HEATR4: variants seen among roughly 807,000 people sequenced by gnomAD.
HEATR4 encodes the protein HEAT repeat containing 4.
In HEATR4, 95 loss-of-function variants were observed where a neutral mutation model predicts 108.8. The observed-to-expected ratio is 0.87, with a 90% confidence interval of 0.74 to 1.04. The LOEUF (loss-of-function observed/expected upper bound fraction) is 1.04. Among genes scored for constraint, HEATR4 ranks in the 50% least tolerant of loss-of-function variants. The probability of loss-of-function intolerance (pLI) is 0.00; values close to 1 mark genes in which losing one functional copy is unlikely to be tolerated. For synonymous variants in HEATR4, 443 were observed against 459.4 expected (o/e 0.96, Z 0.46); for missense variants, 1,152 against 1,253.8 (o/e 0.92, Z 1.23).
At chr14:73,597,282 C>A in the HEATR4 span, among the ~76,000 whole-genome samples, 3 of 151,362 alleles carry the variant, frequency 2.0e-5, no homozygotes, top group Admixed American at 6.6e-5. Flanking sequence ...GACAGGGTTT[C>A]GCCATGTTAG....
chr14:73,523,032 C>G lies in HEATR4; in HGVS notation c.121G>C (p.Ala41Pro), dbSNP rs1422937027. The change falls in exon 3 of 18, where the codon GCC becomes CCC. Residue 41 changes from alanine (A) to proline (P), a missense_variant. Ala to Pro is a conservative substitution (Grantham distance 27). Coordinates refer to ENST00000553558, the MANE Select transcript of HEATR4 (RefSeq NM_001220484.1). ...YSKLKGKEEC[A>P]SVSSVPMVFF... Reference sequence around the variant, plus strand: ...ACCATAGGCACACTGGAGACAGAGGCACACTCCTCCTTGCCTTTCAATTTT... The same window carrying G: ...ACCATAGGCACACTGGAGACAGAGGGACACTCCTCCTTGCCTTTCAATTTT... 6.2e-7 allele frequency: 1 copy of G among 1,614,190 alleles called. No homozygotes were observed. Among genetic ancestry groups the G allele is most frequent in the South Asian group, 1.1e-5 (1 of 91,082 alleles).
chr14:73,543,329 G>GTGCTCTCTGCCCTTTCCA, intron 1 of HEATR4: 1 of 1,539,540 alleles, frequency 6.5e-7, no homozygotes, highest in Non-Finnish European at 8.8e-7. Flanking sequence ...TGTGGAAAGG[G>GTGCTCTCTGCCCTTTCCA]CAGAGAGCAC....
At chr14:73,600,239 G>A in the HEATR4 span, among the ~76,000 whole-genome samples, 1 of 152,072 alleles carries the variant, frequency 6.6e-6, no homozygotes, top group East Asian at 1.9e-4. Context: ...CTTCATTAGT[G>A]TTCAATTTAC....
chr14:73,491,713 G>T, intron 17 of HEATR4: 1 of 1,550,680 alleles, frequency 6.4e-7, no homozygotes, highest in Non-Finnish European at 8.7e-7. Flanking sequence ...TGGTGCGGCG[G>T]CAGGACCACA....
At chr14:73,498,437 CCTTTT>C in intron 13 of HEATR4, 93 bp from the exon 14 acceptor site, 1 of 1,100,882 alleles carries the variant, frequency 9.1e-7, no homozygotes, top group Non-Finnish European at 1.3e-6. Context: ...CAATACCTTC[CCTTTT>C]GGATGGTAAT....
rs34070206 is a variant in HEATR4, at chr14:73,542,165, A to AT, written c.-151-11922dup. ...CCACTATGCCTAGCCTAATTTTTGT[A>AT]TTTTTTTTTTTTAGTAGAGATGGGG... On this transcript the variant is annotated intron_variant, in intron 1 of 17. Coordinates refer to ENST00000553558, the MANE Select transcript of HEATR4 (RefSeq NM_001220484.1). Among the ~76,000 whole-genome samples the AT allele has an allele frequency of 8.9e-4, 87 of 97,952 alleles. 9 individuals are homozygous for AT. The highest frequency in any genetic ancestry group is 2.0e-3 in the African/African-American group (58 of 29,474). The allele number at this position is 97,952 out of a possible 152,430, so 64.3% of individuals were successfully genotyped here. A position where few individuals can be genotyped will look rare whatever the true frequency, so the allele number is the denominator to read the frequency against.
chr14:73,491,938 T>A, intron 17 of HEATR4: 1 of 1,613,790 alleles, frequency 6.2e-7, no homozygotes, highest in African/African-American at 1.3e-5. Context: ...TCTCTACTAC[T>A]GTGTGGCAGT....
chr14:73,550,249 G>A (rs1247985623), intron 1 of HEATR4, among the ~76,000 whole-genome samples: 2 of 113,436 alleles, frequency 1.8e-5, no homozygotes, highest in African/African-American at 5.8e-5. Context: ...GGGAGTGACC[G>A]TGTTCTCGGG....
At chr14:73,609,102 G>A in the HEATR4 span, among the ~76,000 whole-genome samples, 2 of 152,178 alleles carry the variant, frequency 1.3e-5, no homozygotes, top group African/African-American at 4.8e-5. Flanking sequence ...CATATCAGGT[G>A]TAATGCTAAC....
chr14:73,588,921 T>C, the HEATR4 span, among the ~76,000 whole-genome samples: 1 of 152,194 alleles, frequency 6.6e-6, no homozygotes, highest in Non-Finnish European at 1.5e-5. Context: ...TTTTACGTTT[T>C]ATATTTTAAA....
In HEATR4 at chr14:73,539,289, A is replaced by C. The variant is rs1173620777; in HGVS notation, c.-151-9045T>G. The C allele has an allele frequency of 2.6e-5, 3 of 115,132 alleles. 1 individual carries two copies. Among genetic ancestry groups the C allele is most frequent in the Non-Finnish European group, 5.7e-5 (3 of 53,014 alleles). The allele number at this position is 115,132 out of a possible 1,614,324, so 7.1% of individuals were successfully genotyped here. A position where few individuals can be genotyped will look rare whatever the true frequency, so the allele number is the denominator to read the frequency against. ...CTGTTACCATTCCAGGAGAGCAGCC[A>C]CCTCCCTGTGCATGGCAGGACCAGG... On this transcript the variant is annotated intron_variant, in intron 1 of 17. Coordinates refer to ENST00000553558, the MANE Select transcript of HEATR4 (RefSeq NM_001220484.1).
intron 1 of HEATR4, among the ~76,000 whole-genome samples, chr14:73,551,590 C>T (rs1595161727): frequency 8.9e-6 from 1 of 112,588 alleles, no homozygotes; most frequent in African/African-American, 2.9e-5. Context: ...GATGGGTCAC[C>T]TGAGGTCAGG....
the HEATR4 span, chr14:73,613,101 T>G: frequency 3.8e-6 from 2 of 532,066 alleles, no homozygotes; most frequent in Non-Finnish European, 6.4e-6. Flanking sequence ...GGGAATCGCG[T>G]GATTGTGGAA....
At chr14:73,533,162 A>G (rs1234005921) in intron 1 of HEATR4, among the ~76,000 whole-genome samples, 1 of 113,204 alleles carries the variant, frequency 8.8e-6, no homozygotes, top group Non-Finnish European at 1.9e-5. Flanking sequence ...AGGTTCCTCA[A>G]AAAATTAAAT....
chr14:73,517,840 G>A (rs1304261401), intron 5 of HEATR4, among the ~76,000 whole-genome samples: 1 of 151,966 alleles, frequency 6.6e-6, no homozygotes, highest in Non-Finnish European at 1.5e-5. Flanking sequence ...TGTAATCCCA[G>A]CACTTTGGGA....
intron 7 of HEATR4, among the ~76,000 whole-genome samples, chr14:73,511,560 T>TAAATA (rs367571614): frequency 0.031 from 2,754 of 88,912 alleles, 38 homozygotes; most frequent in Non-Finnish European, 0.044. Flanking sequence ...AATAAATAAA[T>TAAATA]AAATAAAATA....
At chr14:73,617,830 A>G in the HEATR4 span, among the ~76,000 whole-genome samples, 15 of 152,242 alleles carry the variant, frequency 9.9e-5, no homozygotes, top group African/African-American at 3.6e-4. Context: ...TCCTTATCTG[A>G]TAACAGAAAT....
intron 17 of HEATR4, chr14:73,491,721 A>G: frequency 6.4e-7 from 1 of 1,551,464 alleles, no homozygotes; most frequent in Non-Finnish European, 8.7e-7. Flanking sequence ...CGGCAGGACC[A>G]CACCTACTAC....
chr14:73,590,477 C>T, the HEATR4 span, among the ~76,000 whole-genome samples: 1 of 152,246 alleles, frequency 6.6e-6, no homozygotes, highest in Non-Finnish European at 1.5e-5. Context: ...GCCGTGCGCC[C>T]GCACTTCTCA....
Sources: gnomAD v4.1 joint callset for allele counts (sites outside exome capture counted in the v4.1 genomes callset) on GRCh38, gnomAD v4.1.1 for gene constraint, MANE v1.5 for transcripts, NCBI Gene and HGNC (gene_info 2026-07-23, HGNC 2026-07-21) for gene names.